The following CLDN20 variants were observed in gnomAD, a reference collection of about 807,000 sequenced individuals.
CLDN20 encodes claudin-20.
For missense variants in CLDN20, 258 were observed against 267.9 expected (o/e 0.96, Z 0.26); for synonymous variants, 104 against 103.6 (o/e 1.00, Z -0.03).
intron 1 of CLDN20, among the ~76,000 whole-genome samples, chr6:155,273,776 T>C (rs750780603): frequency 9.2e-5 from 14 of 152,150 alleles, no homozygotes; most frequent in Admixed American, 9.2e-4. Flanking sequence ...GAAGACTGTA[T>C]GACATGGGGT....
intron 1 of CLDN20, among the ~76,000 whole-genome samples, chr6:155,268,757 T>G (rs9371875): frequency 0.017 from 2,508 of 149,146 alleles, 58 homozygotes; most frequent in African/African-American, 0.043. Context: ...GCAGCATGCT[T>G]GCTAAGAGTC....
At position 155,270,682 on chromosome 6, in the gene CLDN20, G is replaced by A. The variant is rs537866384; in HGVS notation, c.-104-4934G>A. Among the ~76,000 whole-genome samples, 7 of 152,276 alleles carry A rather than the reference G, an allele frequency of 4.6e-5. No individual in the cohort carries two copies. The South Asian group carries it at 6.2e-4, about 14-fold the overall frequency. On this transcript the variant is annotated intron_variant, in intron 1 of 1. Coordinates refer to ENST00000367165, the MANE Select transcript of CLDN20 (RefSeq NM_001001346.3). ...TCCAGCCAGCTTCCTTATGCTAGAG[G>A]TTAGAGTGGGGAGCAGCCGGGTCCC...
intron 1 of CLDN20, among the ~76,000 whole-genome samples, chr6:155,273,324 T>C (rs1785029247): frequency 6.6e-6 from 1 of 152,246 alleles, no homozygotes; most frequent in Non-Finnish European, 1.5e-5. Flanking sequence ...TTTTCTAAAA[T>C]GGTAAGATTT....
chr6:155,272,460 TGTAA>T (rs1784969771), intron 1 of CLDN20, among the ~76,000 whole-genome samples: 1 of 151,972 alleles, frequency 6.6e-6, no homozygotes, highest in Admixed American at 6.6e-5. Context: ...CTGTAGACCA[TGTAA>T]GTGTTTACAT....
rs1227261703 is a variant in CLDN20 at position 155,272,136 on chromosome 6, T to C, written c.-104-3480T>C. Among the ~76,000 whole-genome samples the C allele has an allele frequency of 2.0e-5, 3 of 152,198 alleles. No individual in the cohort carries two copies. The East Asian group carries it at 5.8e-4, about 29-fold the overall frequency. On this transcript the variant is annotated intron_variant, in intron 1 of 1. Coordinates refer to ENST00000367165, the MANE Select transcript of CLDN20 (RefSeq NM_001001346.3). ...ATGGTTTTTCTTCACCATAACTAAC[T>C]GAGGTTAATTTGAAGACAACTGACC...
rs1312870282 is a variant in CLDN20, at chr6:155,275,826, T to C, written c.107T>C (p.Val36Ala). Residue 36 changes from valine (V) to alanine (A), a missense_variant, in exon 2 of 2, where the codon GTG becomes GCG. Physicochemically the swap from Val to Ala is moderately conservative, Grantham distance 64. Coordinates refer to ENST00000367165, the MANE Select transcript of CLDN20 (RefSeq NM_001001346.3). ...CCCAACTGGAAGGTGAATGTGGATG[T>C]GGACTCCAACATCATAACAGCCATT... ...LLPNWKVNVD[V>A]DSNIITAIVQ... 1.2e-6 allele frequency: 2 copies of C among 1,614,120 alleles called. No individual in the cohort carries two copies. Among genetic ancestry groups the C allele is most frequent in the South Asian group, 1.1e-5 (1 of 91,066 alleles).
At chr6:155,264,766 A>C (rs1665983501) in intron 1 of CLDN20, among the ~76,000 whole-genome samples, 1 of 152,202 alleles carries the variant, frequency 6.6e-6, no homozygotes, top group African/African-American at 2.4e-5. Flanking sequence ...CACAAGAGAA[A>C]TAAGACTAAG....
intron 1 of CLDN20, among the ~76,000 whole-genome samples, chr6:155,269,943 T>C (rs1324586987): frequency 6.6e-6 from 1 of 152,216 alleles, no homozygotes; most frequent in Non-Finnish European, 1.5e-5. Flanking sequence ...GGAGAATCAG[T>C]GATGAACGAA....
intron 1 of CLDN20, among the ~76,000 whole-genome samples, chr6:155,273,801 A>T (rs1328865904): frequency 6.6e-6 from 1 of 152,164 alleles, no homozygotes; most frequent in Non-Finnish European, 1.5e-5. Flanking sequence ...TCCTATCTGA[A>T]CATTCTGATC....
intron 1 of CLDN20, among the ~76,000 whole-genome samples, chr6:155,275,335 G>A (rs561593394): frequency 5.3e-5 from 8 of 152,220 alleles, no homozygotes; most frequent in East Asian, 1.9e-4. Flanking sequence ...TCCTAACAAC[G>A]TACATGTCCA....
At chr6:155,268,160 TA>T (rs762745281) in intron 1 of CLDN20, among the ~76,000 whole-genome samples, 8 of 152,346 alleles carry the variant, frequency 5.3e-5, no homozygotes, top group Non-Finnish European at 8.8e-5. Context: ...TATTTCCATT[TA>T]ATCGCTCCCA....
intron 1 of CLDN20, among the ~76,000 whole-genome samples, chr6:155,272,987 A>C (rs1785003887): frequency 6.6e-6 from 1 of 152,226 alleles, no homozygotes; most frequent in Admixed American, 6.5e-5. Context: ...AGAAAGAGAG[A>C]GGGAGAGAGA....
chr6:155,269,531 A>T (rs1213027151), intron 1 of CLDN20, among the ~76,000 whole-genome samples: 1 of 152,024 alleles, frequency 6.6e-6, no homozygotes, highest in Non-Finnish European at 1.5e-5. Context: ...CATGTTGGCC[A>T]GGCTGCTCTT....
At chr6:155,269,980 G>A (rs776018606) in intron 1 of CLDN20, among the ~76,000 whole-genome samples, 4 of 152,240 alleles carry the variant, frequency 2.6e-5, no homozygotes, top group Non-Finnish European at 5.9e-5. Flanking sequence ...GCCCTGTGGG[G>A]CTGAACTTCT....
intron 1 of CLDN20, among the ~76,000 whole-genome samples, chr6:155,270,595 CAT>C (rs990445710): frequency 6.6e-6 from 1 of 151,970 alleles, no homozygotes; most frequent in African/African-American, 2.4e-5. Context: ...AAATAATCAA[CAT>C]GTTTTGAGAA....
chr6:155,267,604 G>A (rs1183388156), intron 1 of CLDN20, among the ~76,000 whole-genome samples: 1 of 152,196 alleles, frequency 6.6e-6, no homozygotes, highest in Non-Finnish European at 1.5e-5. Context: ...GGTGGTCCCA[G>A]CAGCTACTAG....
Position 155,276,145 on chromosome 6 carries a change from G to A in CLDN20, c.426G>A (p.Glu142=), listed in dbSNP as rs1177985615. 1.9e-6 allele frequency: 3 copies of A among 1,614,054 alleles called. No homozygotes were observed. The highest frequency in any genetic ancestry group is 1.7e-6 in the Non-Finnish European group (2 of 1,180,024). The change falls in exon 2 of 2, where the codon GAG becomes GAA. Residue 142 remains glutamate, a synonymous_variant. Coordinates refer to ENST00000367165, the MANE Select transcript of CLDN20 (RefSeq NM_001001346.3). ...TCTCGACAGTGTGGTACACAAAGGAGATCATAGCAAACTTTCTGGATCTGA... is the reference window on the plus strand; with the variant it reads ...TCTCGACAGTGTGGTACACAAAGGAAATCATAGCAAACTTTCTGGATCTGA... ...SLISTVWYTK[E]IIANFLDLTV... is the part of the protein sequence containing the mutation.
In CLDN20 at chr6:155,275,710, C is replaced by G; in HGVS notation, c.-10C>G. 3 of 1,606,784 alleles carry G rather than the reference C, an allele frequency of 1.9e-6. No individual in the cohort carries two copies. The highest frequency in any genetic ancestry group is 2.6e-6 in the Non-Finnish European group (3 of 1,176,084). On this transcript the variant is annotated 5_prime_UTR_variant, in exon 2 of 2. Coordinates refer to ENST00000367165, the MANE Select transcript of CLDN20 (RefSeq NM_001001346.3). ...GGATTTTCTAAGAGGACAGACTTAA[C>G]AGTAACATCATGGCCTCAGCAGGAC...
chr6:155,266,138 C>T (rs960005576), intron 1 of CLDN20, among the ~76,000 whole-genome samples: 3 of 152,150 alleles, frequency 2.0e-5, no homozygotes, highest in African/African-American at 7.2e-5. Flanking sequence ...AGGATCAATA[C>T]TTTGTATCCT....
Sources: gnomAD v4.1 joint callset for allele counts (sites outside exome capture counted in the v4.1 genomes callset) on GRCh38, gnomAD v4.1.1 for gene constraint, MANE v1.5 for transcripts, NCBI Gene and HGNC (gene_info 2026-07-23, HGNC 2026-07-21) for gene names.